NLGN1: variants seen among roughly 807,000 people sequenced by gnomAD.
NLGN1 encodes the protein neuroligin 1.
A neutral mutation model predicts 65.5 loss-of-function variants in NLGN1; 12 were observed. That is an observed-to-expected ratio of 0.18 (90% confidence interval 0.12 to 0.30). NLGN1 has a LOEUF of 0.30. NLGN1 is among the 10% of genes least tolerant of loss of function. The pLI is 1.00. For missense variants in NLGN1, 750 were observed against 1,007.1 expected (o/e 0.74, Z 3.46); for synonymous variants, 350 against 359.5 (o/e 0.97, Z 0.30).
intron 4 of NLGN1, among the ~76,000 whole-genome samples, chr3:174,117,749 A>G (rs1471136100): frequency 6.6e-6 from 1 of 152,202 alleles, no homozygotes; most frequent in African/African-American, 2.4e-5. Context: ...GTTGCTGCCT[A>G]TCAGCTGGAA....
intron 4 of NLGN1, among the ~76,000 whole-genome samples, chr3:174,106,047 T>G (rs1713712698): frequency 6.6e-6 from 1 of 152,138 alleles, no homozygotes; most frequent in Non-Finnish European, 1.5e-5. Flanking sequence ...ACACGAAACA[T>G]CTTATTCAAT....
intron 2 of NLGN1, among the ~76,000 whole-genome samples, chr3:173,458,249 AT>A (rs1292178039): frequency 3.3e-5 from 5 of 151,528 alleles, no homozygotes; most frequent in Non-Finnish European, 5.9e-5. Context: ...AGAAGAAAAT[AT>A]TTTTTTCTTT....
intron 4 of NLGN1, among the ~76,000 whole-genome samples, chr3:174,122,520 A>T (rs200385698): frequency 1.3e-5 from 2 of 152,254 alleles, no homozygotes; most frequent in South Asian, 4.1e-4. Flanking sequence ...AGAGGGGGAG[A>T]TTATTTTTTT....
intron 2 of NLGN1, among the ~76,000 whole-genome samples, chr3:173,580,153 A>T (rs1215393147): frequency 2.0e-5 from 3 of 152,046 alleles, no homozygotes; most frequent in African/African-American, 7.2e-5. Flanking sequence ...TCTCAAAATA[A>T]CTCTTTTGTA....
intron 4 of NLGN1, among the ~76,000 whole-genome samples, chr3:173,959,915 T>C (rs1020421259): frequency 2.6e-5 from 4 of 152,156 alleles, no homozygotes; most frequent in African/African-American, 9.6e-5. Flanking sequence ...TCCGTTGTTA[T>C]ATAATTGTTG....
chr3:173,656,941 C>A (rs1053537713), intron 3 of NLGN1, among the ~76,000 whole-genome samples: 1 of 151,972 alleles, frequency 6.6e-6, no homozygotes, highest in African/African-American at 2.4e-5. Flanking sequence ...TTCCTCATCT[C>A]AAAGACGAGG....
chr3:174,122,398 A>C (rs1055410515), intron 4 of NLGN1, among the ~76,000 whole-genome samples: 5 of 152,192 alleles, frequency 3.3e-5, no homozygotes, highest in African/African-American at 7.2e-5. Context: ...AGGGTCATAC[A>C]AAGGAACTGT....
At chr3:174,053,329 T>C (rs148630333) in intron 4 of NLGN1, among the ~76,000 whole-genome samples, 1 of 151,978 alleles carries the variant, frequency 6.6e-6, no homozygotes, top group African/African-American at 2.4e-5. Context: ...CTGTAAACTG[T>C]AGGACAACAG....
intron 4 of NLGN1, among the ~76,000 whole-genome samples, chr3:174,059,033 C>T (rs1437212998): frequency 6.6e-6 from 1 of 152,080 alleles, no homozygotes; most frequent in African/African-American, 2.4e-5. Flanking sequence ...TGTATGTAGA[C>T]AGAATATGAA....
chr3:174,283,420 CAGTT>C (rs778245355), exon 7 of NLGN1: 5 of 151,322 alleles, frequency 3.3e-5, no homozygotes, highest in African/African-American at 9.7e-5. Flanking sequence ...CAATTGTTTT[CAGTT>C]AGTTAGAAAA....
At chr3:174,148,585 G>C (rs546195267) in intron 4 of NLGN1, among the ~76,000 whole-genome samples, 1 of 151,824 alleles carries the variant, frequency 6.6e-6, no homozygotes, top group African/African-American at 2.4e-5. Flanking sequence ...GCACTTAATC[G>C]TCTCCTCCTA....
chr3:174,113,872 A>G (rs1715763579), intron 4 of NLGN1, among the ~76,000 whole-genome samples: 1 of 152,182 alleles, frequency 6.6e-6, no homozygotes, highest in African/African-American at 2.4e-5. Context: ...AAGGCTGACA[A>G]TTGGAAGAGT....
intron 2 of NLGN1, among the ~76,000 whole-genome samples, chr3:173,548,548 T>G (rs1162986766): frequency 6.6e-5 from 10 of 151,752 alleles, no homozygotes; most frequent in African/African-American, 2.4e-4. Flanking sequence ...GTGATCTGCC[T>G]GTAGAGCTAA....
At chr3:174,281,225 T>C (rs751092604) in exon 7 of NLGN1, 1 of 1,613,018 alleles carries the variant, frequency 6.2e-7, no homozygotes, top group South Asian at 1.1e-5. Context: ...ACACATTCAA[T>C]ACATTTACTG....
At chr3:173,923,316 G>T (rs955628677) in intron 4 of NLGN1, among the ~76,000 whole-genome samples, 2 of 152,036 alleles carry the variant, frequency 1.3e-5, no homozygotes, top group Non-Finnish European at 1.5e-5. Context: ...ACTTCAAAAG[G>T]ACTTTCCAAA....
intron 1 of NLGN1, among the ~76,000 whole-genome samples, chr3:173,427,576 T>G (rs1716356411): frequency 6.6e-6 from 1 of 151,960 alleles, no homozygotes; most frequent in Admixed American, 6.6e-5. Context: ...ACCCATTGGT[T>G]TTTCAAGGCC....
intron 3 of NLGN1, among the ~76,000 whole-genome samples, chr3:173,762,473 T>C (rs1778113680): frequency 6.6e-6 from 1 of 152,074 alleles, no homozygotes; most frequent in Admixed American, 6.6e-5. Context: ...TGAAATATAC[T>C]ATAGCTATAG....
At chr3:174,007,012 G>A (rs1724565019) in intron 4 of NLGN1, among the ~76,000 whole-genome samples, 1 of 152,144 alleles carries the variant, frequency 6.6e-6, no homozygotes, top group African/African-American at 2.4e-5. Context: ...AGATTGCAGT[G>A]AGCTGAGATT....
intron 4 of NLGN1, among the ~76,000 whole-genome samples, chr3:174,030,967 A>G (rs561298605): frequency 6.6e-6 from 1 of 152,330 alleles, no homozygotes; most frequent in South Asian, 2.1e-4. Context: ...GTACCTGAAC[A>G]CCACTCTCCC....
Sources: allele counts gnomAD v4.1 joint callset (sites outside exome capture counted in the v4.1 genomes callset), GRCh38; gene constraint gnomAD v4.1.1; transcripts MANE v1.5; gene names NCBI Gene and HGNC (gene_info 2026-07-23, HGNC 2026-07-21).